Variants in DOCK10 observed in about 807,000 individuals in gnomAD.
The protein encoded by DOCK10 is dedicator of cytokinesis protein 10.
A neutral mutation model predicts 280.1 loss-of-function variants in DOCK10; 145 were observed. The observed-to-expected ratio is 0.52, with a 90% confidence interval of 0.45 to 0.59. The LOEUF is 0.59. DOCK10 is among the 20% of genes least tolerant of loss of function. The probability of loss-of-function intolerance (pLI) is 0.00; values close to 1 mark genes in which losing one functional copy is unlikely to be tolerated. For synonymous variants in DOCK10, 915 were observed against 942.2 expected, an observed-to-expected ratio of 0.97 and a Z score of 0.53; for missense variants, 2,368 against 2,651.7, an observed-to-expected ratio of 0.89 and a Z score of 2.35.
At chr2:224,798,038 A>G in intron 41 of DOCK10, 69 bp from the exon 42 acceptor site, 3 of 1,486,982 alleles carry the variant, frequency 2.0e-6, no homozygotes, top group Non-Finnish European at 2.8e-6. Context: ...AAAAATATTT[A>G]TTGTGAACCT....
intron 1 of DOCK10, among the ~76,000 whole-genome samples, chr2:225,002,207 T>C (rs1215764453): frequency 6.6e-6 from 1 of 152,204 alleles, no homozygotes; most frequent in African/African-American, 2.4e-5. Flanking sequence ...ACCACTTGTT[T>C]ACCTGATGCT....
chr2:225,012,546 C>G (rs1689473845), intron 1 of DOCK10, among the ~76,000 whole-genome samples: 1 of 152,130 alleles, frequency 6.6e-6, no homozygotes, highest in Non-Finnish European at 1.5e-5. Flanking sequence ...AGTTTTATAA[C>G]CAGCTTTTAA....
intron 1 of DOCK10, among the ~76,000 whole-genome samples, chr2:224,984,347 G>C (rs1464207166): frequency 1.3e-5 from 2 of 152,246 alleles, no homozygotes; most frequent in African/African-American, 2.4e-5. Context: ...AAATCTGGCT[G>C]ACCTCTGCGG....
chr2:224,910,058 T>C (rs1700922752), intron 3 of DOCK10, among the ~76,000 whole-genome samples: 1 of 152,168 alleles, frequency 6.6e-6, no homozygotes, highest in Non-Finnish European at 1.5e-5. Context: ...CTGAGCTGGA[T>C]GTGTTGAAAC....
intron 52 of DOCK10, among the ~76,000 whole-genome samples, 189 bp downstream of exon 52, chr2:224,774,716 C>T (rs911688131): frequency 6.6e-6 from 1 of 152,194 alleles, no homozygotes; most frequent in Admixed American, 6.5e-5. Context: ...ACAATTTCTC[C>T]TCTGGTTGAC....
chr2:224,874,242 T>C (rs1253322117), intron 10 of DOCK10, 24 bp downstream of exon 10: 2 of 1,608,018 alleles, frequency 1.2e-6, no homozygotes, highest in South Asian at 2.2e-5. Flanking sequence ...AGTTCATATC[T>C]GCTTAGAAAA....
At chr2:224,947,295 T>G (rs894390004) in intron 1 of DOCK10, among the ~76,000 whole-genome samples, 3 of 152,164 alleles carry the variant, frequency 2.0e-5, no homozygotes, top group African/African-American at 4.8e-5. Context: ...CAAGATTGAA[T>G]TGAACAGTTA....
chr2:224,883,683 G>A (rs1299789266), intron 7 of DOCK10, among the ~76,000 whole-genome samples: 2 of 152,206 alleles, frequency 1.3e-5, no homozygotes, highest in African/African-American at 4.8e-5. Context: ...TCCCAAGCTT[G>A]TGTTTTCCCT....
In DOCK10 at chr2:225,021,702, G is replaced by A. The variant is rs571203427; in HGVS notation, c.123+20550C>T. The stretch of plus-strand genomic sequence containing the variant: ...AGTTGGGACAAAAGCTAGAAGAGTC[G>A]CAGGTTTTTGTTGTTGTTGTTCTGT... On this transcript the variant is annotated intron_variant, in intron 1 of 55. Coordinates refer to ENST00000258390, the MANE Select transcript of DOCK10 (RefSeq NM_014689.3). Among the ~76,000 whole-genome samples the A allele has an allele frequency of 3.9e-5, 6 of 152,216 alleles. No individual in the cohort carries two copies. The South Asian group carries it at 6.2e-4, about 16-fold the overall frequency.
At position 224,861,462 on chromosome 2, in the gene DOCK10, C is replaced by T. The variant is rs534688266; in HGVS notation, c.1685+1202G>A. On this transcript the variant is annotated intron_variant, in intron 14 of 55. Transcript: ENST00000258390. ...TCTCCCTCCCTTGCTATGACGCTGC[C>T]TTAGGGCAAACGAATTCCTGGAGAC... The T allele has an allele frequency of 3.9e-5, 6 of 152,344 alleles. 1 individual carries two copies. In the South Asian group the frequency reaches 1.2e-3, roughly 32 times the overall value. 9.4% of individuals were successfully genotyped at this position (152,344 alleles called of 1,614,324 possible).
intron 39 of DOCK10, among the ~76,000 whole-genome samples, chr2:224,802,478 G>A (rs1205531818): frequency 1.3e-5 from 2 of 152,120 alleles, no homozygotes; most frequent in Non-Finnish European, 2.9e-5. Flanking sequence ...CTTGCTTTCC[G>A]AGGTATTTGT....
At chr2:224,855,756 A>G (rs1452143275) in intron 15 of DOCK10, among the ~76,000 whole-genome samples, 1 of 152,194 alleles carries the variant, frequency 6.6e-6, no homozygotes, top group Non-Finnish European at 1.5e-5. Flanking sequence ...AGGTGGGATA[A>G]TTACAGTGAT....
chr2:225,006,676 G>T (rs1689264681), intron 1 of DOCK10, among the ~76,000 whole-genome samples: 4 of 152,146 alleles, frequency 2.6e-5, no homozygotes, highest in Admixed American at 2.6e-4. Context: ...TATTTGTATT[G>T]ATGGTTTCAA....
Position 224,834,167 on chromosome 2 carries a change from C to T in DOCK10, c.2947G>A (p.Val983Ile). 6.2e-7 allele frequency: 1 copy of T among 1,609,020 alleles called. No homozygotes were observed. The highest frequency in any genetic ancestry group is 8.5e-7 in the Non-Finnish European group (1 of 1,175,410). Residue 983 changes from valine (V) to isoleucine (I), a missense_variant, in exon 26 of 56, where the codon GTA (valine) becomes ATA (isoleucine). Val to Ile is a conservative substitution (Grantham distance 29). Transcript: ENST00000258390. ...ATTCTTACCTTTAGGACATGCTTTACTGTTGTTGAGTCATTTGATTTCAAA... is the reference window on the plus strand; with the variant it reads ...ATTCTTACCTTTAGGACATGCTTTATTGTTGTTGAGTCATTTGATTTCAAA... ...GLLKSNDSTT[V>I]KHVLKHSWFF...
At chr2:224,847,658 G>A (rs1696453625) in intron 19 of DOCK10, among the ~76,000 whole-genome samples, 1 of 152,170 alleles carries the variant, frequency 6.6e-6, no homozygotes, top group African/African-American at 2.4e-5. Context: ...AGTAAATATT[G>A]TGTAATGTGG....
At chr2:225,025,589 A>G (rs541304798) in intron 1 of DOCK10, among the ~76,000 whole-genome samples, 1 of 152,358 alleles carries the variant, frequency 6.6e-6, no homozygotes, top group South Asian at 2.1e-4. Context: ...TTTTCCTCAC[A>G]ATCACATTTC....
intron 4 of DOCK10, among the ~76,000 whole-genome samples, chr2:224,892,448 A>AAAGAAAAGAAAAGAAAAGAC (rs1699751024): frequency 6.6e-6 from 1 of 151,658 alleles, no homozygotes; most frequent in African/African-American, 2.4e-5. Context: ...AAAGAAAAGA[A>AAAGAAAAGAAAAGAAAAGAC]AAAAATCGAA....
chr2:224,950,442 G>A (rs1023754439), intron 1 of DOCK10, among the ~76,000 whole-genome samples: 2 of 152,274 alleles, frequency 1.3e-5, no homozygotes, highest in East Asian at 3.9e-4. Context: ...TTGGGTTCTG[G>A]AGAAATTAAG....
intron 45 of DOCK10, 126 bp downstream of exon 45, chr2:224,794,753 C>A: frequency 2.4e-6 from 2 of 835,714 alleles, no homozygotes; most frequent in East Asian, 5.0e-5. Flanking sequence ...TGATATATAA[C>A]TGAGTCATTT....
Sources: gnomAD v4.1 joint callset for allele counts (sites outside exome capture counted in the v4.1 genomes callset) on GRCh38, gnomAD v4.1.1 for gene constraint, MANE v1.5 for transcripts, NCBI Gene and HGNC (gene_info 2026-07-23, HGNC 2026-07-21) for gene names.